Variants in ILRUN observed in about 807,000 individuals in gnomAD.
The protein encoded by ILRUN is inflammation and lipid regulator with UBA-like and NBR1-like domains.
ILRUN carries 3 observed loss-of-function variants against 33.8 expected under a neutral mutation model. The ratio of observed to expected loss-of-function variants is 0.09; its 90% CI spans 0.04 to 0.23. ILRUN has a LOEUF of 0.23. Among genes scored for constraint, ILRUN ranks in the 10% least tolerant of loss-of-function variants. The pLI, the probability that ILRUN is intolerant of heterozygous loss-of-function variation, is 1.00. For missense variants in ILRUN, 210 were observed against 375.1 expected, an observed-to-expected ratio of 0.56 and a Z score of 3.64; for synonymous variants, 124 against 138.9, an observed-to-expected ratio of 0.89 and a Z score of 0.75.
intron 3 of ILRUN, among the ~76,000 whole-genome samples, chr6:34,643,043 C>T (rs1762503918): frequency 6.6e-6 from 1 of 151,466 alleles, no homozygotes. Context: ...CATCTGTAAT[C>T]CCAGCACTTT....
At chr6:34,613,749 C>T (rs574594573) in intron 3 of ILRUN, among the ~76,000 whole-genome samples, 1 of 152,184 alleles carries the variant, frequency 6.6e-6, no homozygotes, top group African/African-American at 2.4e-5. Flanking sequence ...GTTGTAGATA[C>T]GTCCATATAC....
Position 34,588,742 on chromosome 6 carries a change from G to C in ILRUN, c.*1823C>G, listed in dbSNP as rs984352247. On this transcript the variant is annotated 3_prime_UTR_variant, in exon 5 of 5. Coordinates refer to ENST00000374023, the MANE Select transcript of ILRUN (RefSeq NM_024294.4). ...AGCAGGCTGGCTCCAGCCACCCCCAGGGCTTCTCCAGTGGAATAAAGTTTA... is the reference window on the plus strand; with the variant it reads ...AGCAGGCTGGCTCCAGCCACCCCCACGGCTTCTCCAGTGGAATAAAGTTTA... 3.9e-5 allele frequency: 6 copies of C among 153,234 alleles called. No individual in the cohort carries two copies. The highest frequency in any genetic ancestry group is 1.4e-4 in the African/African-American group (6 of 41,454). The allele number at this position is 153,234 out of a possible 1,614,324, so 9.5% of individuals were successfully genotyped here.
intron 3 of ILRUN, among the ~76,000 whole-genome samples, chr6:34,641,137 T>C (rs1205386198): frequency 6.9e-6 from 1 of 144,478 alleles, no homozygotes; most frequent in African/African-American, 2.6e-5. Flanking sequence ...AACAGAAACC[T>C]CCAAAAAGCA....
At chr6:34,689,116 G>A (rs553550183) in intron 1 of ILRUN, among the ~76,000 whole-genome samples, 2 of 152,296 alleles carry the variant, frequency 1.3e-5, no homozygotes, top group South Asian at 4.1e-4. Flanking sequence ...AAACAAGAGA[G>A]TGGTGGTGGT....
At position 34,673,904 on chromosome 6, in the gene ILRUN, T is replaced by TACACACACACACACAC. The variant is rs370280008; in HGVS notation, c.159-19141_159-19126dup. The stretch of plus-strand genomic sequence containing the variant: ...TGTCTCAAAAACAGTAACAACCACA[T>TACACACACACACACAC]ACACACACACACACACACACACACA... On this transcript the variant is annotated intron_variant, in intron 1 of 4. Coordinates refer to ENST00000374023, the MANE Select transcript of ILRUN (RefSeq NM_024294.4). Among the ~76,000 whole-genome samples the TACACACACACACACAC allele has an allele frequency of 1.8e-3, 205 of 113,078 alleles. 12 individuals carry two copies. Among genetic ancestry groups the TACACACACACACACAC allele is most frequent in the African/African-American group, 6.4e-3 (179 of 28,180 alleles). The allele number at this position is 113,078 out of a possible 152,430, so 74.2% of individuals were successfully genotyped here.
intron 4 of ILRUN, among the ~76,000 whole-genome samples, chr6:34,604,832 T>C (rs1006983735): frequency 2.6e-5 from 4 of 152,346 alleles, no homozygotes; most frequent in South Asian, 4.1e-4. Context: ...AATCAACCAA[T>C]AAATTAATCC....
intron 1 of ILRUN, among the ~76,000 whole-genome samples, chr6:34,682,260 T>TGTTTTGTTTTG (rs757186383): frequency 1.5e-4 from 20 of 131,618 alleles, no homozygotes; most frequent in Admixed American, 3.0e-4. Context: ...TGTTTTTTTT[T>TGTTTTGTTTTG]TTTTTTTTTT....
intron 2 of ILRUN, among the ~76,000 whole-genome samples, chr6:34,650,260 G>C (rs919399243): frequency 2.6e-5 from 4 of 152,090 alleles, no homozygotes; most frequent in Admixed American, 2.6e-4. Flanking sequence ...TTCCTGCTCA[G>C]GTTTACTAAG....
intron 3 of ILRUN, among the ~76,000 whole-genome samples, chr6:34,628,002 C>A (rs1174351601): frequency 6.6e-6 from 1 of 152,074 alleles, no homozygotes; most frequent in African/African-American, 2.4e-5. Context: ...CGCCCCTGGG[C>A]CTGCATACAC....
chr6:34,664,961 TTTTTG>T (rs764912168), intron 1 of ILRUN, among the ~76,000 whole-genome samples: 1 of 151,936 alleles, frequency 6.6e-6, no homozygotes, highest in Non-Finnish European at 1.5e-5. Context: ...TACCAGCAAT[TTTTTG>T]TTTTGTTTTG....
At chr6:34,608,368 G>C (rs1366014454) in intron 3 of ILRUN, among the ~76,000 whole-genome samples, 1 of 151,516 alleles carries the variant, frequency 6.6e-6, no homozygotes, top group Non-Finnish European at 1.5e-5. Context: ...AGTTGACACA[G>C]CAAGACTCCA....
chr6:34,643,585 T>A (rs1232047645), intron 3 of ILRUN, among the ~76,000 whole-genome samples: 1 of 152,216 alleles, frequency 6.6e-6, no homozygotes, highest in South Asian at 2.1e-4. Flanking sequence ...TTTACATGGT[T>A]AAATTCTTAG....
At chr6:34,634,534 T>C (rs1762315480) in intron 3 of ILRUN, among the ~76,000 whole-genome samples, 2 of 152,012 alleles carry the variant, frequency 1.3e-5, no homozygotes, top group South Asian at 4.1e-4. Context: ...CTGATTCTTT[T>C]CAAAGACCAA....
intron 2 of ILRUN, among the ~76,000 whole-genome samples, chr6:34,648,110 ATT>A (rs1429499580): frequency 1.7e-4 from 26 of 152,134 alleles, no homozygotes; most frequent in African/African-American, 6.0e-4. Context: ...ACTAGATGTG[ATT>A]TTTCCTGTGA....
chr6:34,657,693 G>A (rs1762802728), intron 1 of ILRUN, among the ~76,000 whole-genome samples: 1 of 152,156 alleles, frequency 6.6e-6, no homozygotes, highest in Non-Finnish European at 1.5e-5. Flanking sequence ...CAAATGTGGG[G>A]TACACAGCTT....
chr6:34,610,237 T>A (rs1761721015), intron 3 of ILRUN, among the ~76,000 whole-genome samples: 1 of 152,050 alleles, frequency 6.6e-6, no homozygotes, highest in Admixed American at 6.6e-5. Context: ...ACATAAAAGT[T>A]AAACCTCTTG....
intron 2 of ILRUN, among the ~76,000 whole-genome samples, chr6:34,651,954 A>G (rs1228830465): frequency 1.3e-5 from 2 of 151,932 alleles, no homozygotes; most frequent in African/African-American, 2.4e-5. Context: ...CACCATGCCC[A>G]GCTAATTTTT....
intron 3 of ILRUN, among the ~76,000 whole-genome samples, chr6:34,613,246 CAAA>C (rs1028047098): frequency 4.9e-5 from 7 of 142,554 alleles, no homozygotes; most frequent in East Asian, 2.1e-4. Context: ...ACAACAACAA[CAAA>C]AAACCAAAGC....
chr6:34,616,549 C>T (rs559527389), intron 3 of ILRUN: 7 of 1,336,494 alleles, frequency 5.2e-6, no homozygotes, highest in South Asian at 4.7e-5. Context: ...TGGAGGGTGT[C>T]GAAGAGAAGA....
Sources: gnomAD v4.1 joint callset for allele counts (sites outside exome capture counted in the v4.1 genomes callset) on GRCh38, gnomAD v4.1.1 for gene constraint, MANE v1.5 for transcripts, NCBI Gene and HGNC (gene_info 2026-07-23, HGNC 2026-07-21) for gene names.